The following OLFM3 variants were observed in gnomAD, a reference collection of about 807,000 sequenced individuals.
The protein encoded by OLFM3 is noelin-3.
OLFM3 carries 20 observed loss-of-function variants against 48.6 expected under a neutral mutation model. That is an observed-to-expected ratio of 0.41 (90% CI 0.29 to 0.60). The LOEUF (loss-of-function observed/expected upper bound fraction) is 0.60, where lower values mean the gene tolerates loss of function less well. OLFM3 is among the 20% of genes least tolerant of loss of function. The probability of loss-of-function intolerance (pLI) is 0.28; values close to 1 mark genes in which losing one functional copy is unlikely to be tolerated. For missense variants in OLFM3, 437 were observed against 544.3 expected, an observed-to-expected ratio of 0.80 and a Z score of 1.96; for synonymous variants, 222 against 198.1, an observed-to-expected ratio of 1.12 and a Z score of -1.01.
At chr1:101,992,379 A>C (rs1364947693) in intron 1 of OLFM3, among the ~76,000 whole-genome samples, 1 of 152,190 alleles carries the variant, frequency 6.6e-6, no homozygotes, top group African/African-American at 2.4e-5. Context: ...AAAAGATGAG[A>C]CCAGGAAGCT....
intron 1 of OLFM3, among the ~76,000 whole-genome samples, chr1:101,939,931 C>A (rs1659736210): frequency 6.6e-6 from 1 of 152,068 alleles, no homozygotes; most frequent in Non-Finnish European, 1.5e-5. Context: ...ATATTATTTT[C>A]ATCTAGTTCA....
Position 101,913,613 on chromosome 1 carries a change from T to C in OLFM3, c.70-76588A>G, listed in dbSNP as rs542415253. 9.9e-5 allele frequency among the ~76,000 whole-genome samples: 15 copies of C among 151,890 alleles called. No individual in the cohort carries two copies. In the East Asian group the frequency reaches 2.7e-3, roughly 27 times the overall value. ...TGAGGTATTTAAGTAAAGAAGATAA[T>C]GTCAGAATGATCATTTAGTAACTAT... On this transcript the variant is annotated intron_variant, in intron 1 of 5. Coordinates refer to ENST00000370103, the MANE Select transcript of OLFM3 (RefSeq NM_058170.4).
At chr1:101,950,027 T>TAAAAAAA (rs68119821) in intron 1 of OLFM3, among the ~76,000 whole-genome samples, 1 of 129,194 alleles carries the variant, frequency 7.7e-6, no homozygotes, top group African/African-American at 2.9e-5. Flanking sequence ...GACTCCGTCT[T>TAAAAAAA]AAAAAAAAAA....
chr1:101,834,066 A>C (rs919590210), intron 2 of OLFM3, among the ~76,000 whole-genome samples: 1 of 152,232 alleles, frequency 6.6e-6, no homozygotes, highest in South Asian at 2.1e-4. Context: ...AAGACCTGAA[A>C]TACTGTGAAA....
chr1:101,977,883 C>T (rs191747861), intron 1 of OLFM3, among the ~76,000 whole-genome samples: 2 of 152,086 alleles, frequency 1.3e-5, no homozygotes, highest in East Asian at 3.9e-4. Context: ...GGATTAGGAA[C>T]AGGTAGAGAG....
At position 101,804,291 on chromosome 1, in the gene OLFM3, C is replaced by A; in HGVS notation, c.1324G>T (p.Val442Leu). Residue 442 changes from valine to leucine, a missense_variant, in exon 6 of 6, where the codon GTG becomes TTG. Transcript: ENST00000370103. The surrounding 1 kb of genome is among the most constrained non-coding windows in gnomAD (Gnocchi z 4.5). Reference protein sequence around the residue: ...ALYAWNNGHQVLFNVTLFHII... With the variant: ...ALYAWNNGHQLLFNVTLFHII... ...TGGAAAAGGGTGACATTGAACAGCACCTGGTGGCCATTGTTCCAGGCATAG... is the reference window on the plus strand; with the variant it reads ...TGGAAAAGGGTGACATTGAACAGCAACTGGTGGCCATTGTTCCAGGCATAG... 5.6e-6 allele frequency: 9 copies of A among 1,610,604 alleles called. No individual in the cohort carries two copies. The highest frequency in any genetic ancestry group is 7.6e-6 in the Non-Finnish European group (9 of 1,178,032).
chr1:101,912,859 T>G (rs1658804614), intron 1 of OLFM3, among the ~76,000 whole-genome samples: 1 of 152,166 alleles, frequency 6.6e-6, no homozygotes, highest in African/African-American at 2.4e-5. Context: ...GTCAGCTGTT[T>G]GAGAGCAATA....
intron 1 of OLFM3, among the ~76,000 whole-genome samples, chr1:101,889,411 G>A (rs958985597): frequency 2.0e-5 from 3 of 151,992 alleles, no homozygotes; most frequent in Non-Finnish European, 1.5e-5. Context: ...GACAGAAAGC[G>A]AAACACCGCA....
intron 1 of OLFM3, among the ~76,000 whole-genome samples, chr1:101,929,950 A>G (rs1253710027): frequency 3.3e-5 from 5 of 152,108 alleles, no homozygotes; most frequent in African/African-American, 1.2e-4. Context: ...ATTATGGTCC[A>G]ATATAGAATA....
intron 1 of OLFM3, among the ~76,000 whole-genome samples, chr1:101,921,644 A>AT (rs548787280): frequency 2.0e-5 from 3 of 152,124 alleles, no homozygotes; most frequent in Non-Finnish European, 4.4e-5. Flanking sequence ...TACCTAAGAA[A>AT]TTTTTTTTGT....
chr1:101,820,687 G>A (rs563291007), intron 4 of OLFM3, among the ~76,000 whole-genome samples: 5 of 152,016 alleles, frequency 3.3e-5, no homozygotes, highest in East Asian at 3.9e-4. Context: ...TGATTCCTTC[G>A]GGATCTTATT....
chr1:101,937,827 T>C (rs1659669935), intron 1 of OLFM3, among the ~76,000 whole-genome samples: 1 of 152,228 alleles, frequency 6.6e-6, no homozygotes, highest in African/African-American at 2.4e-5. Context: ...ATATACAACA[T>C]CTGGTTCTCC....
chr1:101,828,128 TAA>T (rs995835988), intron 3 of OLFM3, among the ~76,000 whole-genome samples: 3 of 151,948 alleles, frequency 2.0e-5, no homozygotes, highest in African/African-American at 7.3e-5. Context: ...ATCATGATTG[TAA>T]GTTTCCTGAG....
At chr1:101,957,510 A>G (rs563453691) in intron 1 of OLFM3, among the ~76,000 whole-genome samples, 1 of 152,150 alleles carries the variant, frequency 6.6e-6, no homozygotes, top group African/African-American at 2.4e-5. Flanking sequence ...ACACAACACA[A>G]TTTTCAGTTA....
chr1:101,959,334 CT>C (rs1016164029), intron 1 of OLFM3, among the ~76,000 whole-genome samples: 2 of 67,444 alleles, frequency 3.0e-5, no homozygotes, highest in Non-Finnish European at 5.9e-5. Context: ...CTTTCCTCCC[CT>C]CCTTTTTTTT....
intron 1 of OLFM3, among the ~76,000 whole-genome samples, chr1:101,928,163 A>T (rs1393647705): frequency 6.6e-6 from 1 of 152,072 alleles, no homozygotes; most frequent in Non-Finnish European, 1.5e-5. Context: ...ACCACATGAA[A>T]TCTTTCTTCA....
At position 101,802,878 on chromosome 1, in the gene OLFM3, AC is replaced by A. The variant is rs1302323135; in HGVS notation, c.*1359del. On this transcript the variant is annotated 3_prime_UTR_variant, in exon 6 of 6. Transcript: ENST00000370103. ...ACTATTTTTTTAATATGTGGAAAATACATCCAAACTCAATGAAATGTTTGAT... is the reference window on the plus strand; with the variant it reads ...ACTATTTTTTTAATATGTGGAAAATAATCCAAACTCAATGAAATGTTTGAT... The A allele has an allele frequency of 2.6e-5, 4 of 151,660 alleles. No individual in the cohort carries two copies. Among genetic ancestry groups the A allele is most frequent in the African/African-American group, 9.7e-5 (4 of 41,372 alleles). 9.4% of individuals were successfully genotyped at this position (151,660 alleles called of 1,614,324 possible).
chr1:101,880,164 T>C (rs1657463354), intron 1 of OLFM3, among the ~76,000 whole-genome samples: 1 of 151,908 alleles, frequency 6.6e-6, no homozygotes, highest in South Asian at 2.1e-4. Context: ...ATTAGTTTTA[T>C]TTTAAATACA....
chr1:101,956,103 T>TTTTTTTTTTTTTTAA (rs781231551), intron 1 of OLFM3, among the ~76,000 whole-genome samples: 24 of 143,340 alleles, frequency 1.7e-4, no homozygotes, highest in African/African-American at 6.1e-4. Flanking sequence ...TTTTTTTTTT[T>TTTTTTTTTTTTTTAA]AAAAAAAACC....
Sources: gnomAD v4.1 joint callset for allele counts (sites outside exome capture counted in the v4.1 genomes callset) on GRCh38, gnomAD v4.1.1 for gene constraint, Gnocchi (gnomAD v3.1) non-coding constraint, MANE v1.5 for transcripts, NCBI Gene and HGNC (gene_info 2026-07-23, HGNC 2026-07-21) for gene names.